The following FCHSD2 variants were observed in gnomAD, a reference collection of about 807,000 sequenced individuals.
The protein encoded by FCHSD2 is F-BAR and double SH3 domains protein 2.
FCHSD2 carries 38 observed loss-of-function variants against 108.1 expected under a neutral mutation model. The observed-to-expected ratio is 0.35, with a 90% CI of 0.27 to 0.46. FCHSD2 has a LOEUF of 0.46. FCHSD2 is among the 20% of genes least tolerant of loss of function. The pLI, the probability that FCHSD2 is intolerant of heterozygous loss-of-function variation, is 1.00. For synonymous variants in FCHSD2, 279 were observed against 314.7 expected, an observed-to-expected ratio of 0.89 and a Z score of 1.20; for missense variants, 751 against 897.8, an observed-to-expected ratio of 0.84 and a Z score of 2.09.
chr11:72,927,845 A>T (rs1307043591), intron 8 of FCHSD2, among the ~76,000 whole-genome samples: 1 of 152,228 alleles, frequency 6.6e-6, no homozygotes, highest in Non-Finnish European at 1.5e-5. Flanking sequence ...CTGTAGATGG[A>T]TCAGCAGCTG....
At chr11:73,093,514 A>T (rs1860004184) in intron 2 of FCHSD2, among the ~76,000 whole-genome samples, 1 of 152,164 alleles carries the variant, frequency 6.6e-6, no homozygotes, top group South Asian at 2.1e-4. Flanking sequence ...AAGAGCTGTA[A>T]TGCACCCATT....
chr11:73,070,543 C>T (rs946187200), intron 3 of FCHSD2, among the ~76,000 whole-genome samples: 1 of 152,144 alleles, frequency 6.6e-6, no homozygotes, highest in Admixed American at 6.5e-5. Context: ...CCTGCCTCAG[C>T]CTCCTGAGTA....
At chr11:73,140,208 G>A in intron 1 of FCHSD2, 80 bp from the exon 2 acceptor site, 1 of 699,622 alleles carries the variant, frequency 1.4e-6, no homozygotes, top group Non-Finnish European at 2.4e-6. Flanking sequence ...ACATCTGTCA[G>A]AATATGTCTC....
At chr11:73,105,691 T>C (rs1278114943) in intron 2 of FCHSD2, among the ~76,000 whole-genome samples, 1 of 152,190 alleles carries the variant, frequency 6.6e-6, no homozygotes, top group Non-Finnish European at 1.5e-5. Flanking sequence ...GCTACAAATA[T>C]GTGGTACAAA....
chr11:73,033,700 T>C (rs1858420232), intron 3 of FCHSD2, among the ~76,000 whole-genome samples: 1 of 152,248 alleles, frequency 6.6e-6, no homozygotes, highest in Non-Finnish European at 1.5e-5. Flanking sequence ...TTATGGTTAT[T>C]GGCAATAGTA....
chr11:72,880,291 C>T (rs1050217651), intron 12 of FCHSD2, among the ~76,000 whole-genome samples: 1 of 152,188 alleles, frequency 6.6e-6, no homozygotes, highest in Admixed American at 6.5e-5. Flanking sequence ...TTGTATGGAA[C>T]CACAAAAGTC....
intron 2 of FCHSD2, among the ~76,000 whole-genome samples, chr11:73,129,401 C>G (rs1362752305): frequency 1.3e-5 from 2 of 152,204 alleles, no homozygotes; most frequent in East Asian, 1.9e-4. Context: ...CAGCCGCCCC[C>G]GCATTGCTCA....
intron 13 of FCHSD2, among the ~76,000 whole-genome samples, chr11:72,859,553 T>C (rs747603871): frequency 6.6e-6 from 1 of 152,216 alleles, no homozygotes; most frequent in Admixed American, 6.5e-5. Context: ...TAGATATGTA[T>C]GTATAGGGAA....
intron 8 of FCHSD2, among the ~76,000 whole-genome samples, chr11:72,942,039 T>C (rs1006661950): frequency 1.3e-5 from 2 of 152,242 alleles, no homozygotes; most frequent in Non-Finnish European, 2.9e-5. Flanking sequence ...TTTGAATGTT[T>C]TGTCCCCTCA....
At chr11:72,916,956 T>C (rs55810963) in intron 9 of FCHSD2, among the ~76,000 whole-genome samples, 1,560 of 148,764 alleles carry the variant, frequency 0.01, 20 homozygotes, top group African/African-American at 0.037. Context: ...CACAACTTCA[T>C]TGAACTTCAT....
At chr11:72,850,351 C>T (rs1861252614) in intron 13 of FCHSD2, among the ~76,000 whole-genome samples, 1 of 152,070 alleles carries the variant, frequency 6.6e-6, no homozygotes, top group African/African-American at 2.4e-5. Context: ...AGGTGTGAGC[C>T]ACTGCACCAG....
At chr11:73,100,272 TAAC>T (rs1345039324) in intron 2 of FCHSD2, among the ~76,000 whole-genome samples, 6 of 152,176 alleles carry the variant, frequency 3.9e-5, no homozygotes, top group South Asian at 2.1e-4. Context: ...CTTCTCCTAT[TAAC>T]AACAACAATT....
rs540382562 is a variant in FCHSD2 at position 73,076,978 on chromosome 11, C to T, written c.165+6717G>A. On this transcript the variant is annotated intron_variant, in intron 3 of 19. Coordinates refer to ENST00000409418, the MANE Select transcript of FCHSD2 (RefSeq NM_014824.3). ...ACAAAAAATTAGCCAGGCATGGTGG[C>T]GGGCACCTGTAGTCCCAGCTACTCA... is the stretch of plus-strand genomic sequence containing the variant. Among the ~76,000 whole-genome samples, 40 of 151,282 alleles carry T rather than the reference C, an allele frequency of 2.6e-4. No homozygotes were observed. In the East Asian group the frequency reaches 6.0e-3, roughly 23 times the overall value.
At chr11:73,135,211 G>A (rs1436015909) in intron 2 of FCHSD2, among the ~76,000 whole-genome samples, 1 of 152,168 alleles carries the variant, frequency 6.6e-6, no homozygotes, top group African/African-American at 2.4e-5. Flanking sequence ...CTGGACTCAT[G>A]ATGAGTTCCT....
intron 8 of FCHSD2, among the ~76,000 whole-genome samples, chr11:72,948,231 C>T (rs138791840): frequency 3.4e-3 from 518 of 152,302 alleles, no homozygotes; most frequent in African/African-American, 0.012. Flanking sequence ...TGGTCTTGAA[C>T]TCCTGGACTC....
intron 12 of FCHSD2, among the ~76,000 whole-genome samples, chr11:72,877,115 T>TA (rs1403105022): frequency 6.6e-6 from 1 of 151,944 alleles, no homozygotes; most frequent in Non-Finnish European, 1.5e-5. Flanking sequence ...GCCTCCTGAG[T>TA]AGCTGGGACT....
At chr11:73,062,347 G>A (rs1859187529) in intron 3 of FCHSD2, among the ~76,000 whole-genome samples, 1 of 152,166 alleles carries the variant, frequency 6.6e-6, no homozygotes, top group African/African-American at 2.4e-5. Context: ...AGTGCAAAAA[G>A]GCTGAAAATT....
At chr11:73,091,376 T>TA (rs1366021216) in intron 2 of FCHSD2, among the ~76,000 whole-genome samples, 5 of 151,660 alleles carry the variant, frequency 3.3e-5, no homozygotes, top group African/African-American at 4.9e-5. Context: ...CCATCTCTAC[T>TA]AAAAATACAA....
intron 8 of FCHSD2, among the ~76,000 whole-genome samples, chr11:72,943,138 C>T (rs753792780): frequency 7.2e-5 from 11 of 152,074 alleles, no homozygotes; most frequent in Non-Finnish European, 1.0e-4. Flanking sequence ...ATTACAGGCG[C>T]GTGCCACCAT....
Sources: gnomAD v4.1 joint callset for allele counts (sites outside exome capture counted in the v4.1 genomes callset) on GRCh38, gnomAD v4.1.1 for gene constraint, MANE v1.5 for transcripts, NCBI Gene and HGNC (gene_info 2026-07-23, HGNC 2026-07-21) for gene names.